CMIP: variants seen among roughly 807,000 people sequenced by gnomAD.
CMIP encodes C-Maf-inducing protein.
In CMIP, 13 loss-of-function variants were observed where a neutral mutation model predicts 97.3. That is an observed-to-expected ratio of 0.13 (90% CI 0.09 to 0.21). The LOEUF (loss-of-function observed/expected upper bound fraction) is 0.21, where lower values mean the gene tolerates loss of function less well. CMIP is among the 10% of genes least tolerant of loss of function. CMIP has a pLI of 1.00. For synonymous variants in CMIP, 538 were observed against 436.3 expected (o/e 1.23, Z -2.91); for missense variants, 847 against 1,024.9 (o/e 0.83, Z 2.37).
chr16:81,544,202 G>A (rs1247319056), intron 1 of CMIP, among the ~76,000 whole-genome samples: 9 of 152,228 alleles, frequency 5.9e-5, no homozygotes, highest in East Asian at 5.8e-4. Flanking sequence ...GTGAACTCAC[G>A]GAGACAGACT....
intron 1 of CMIP, among the ~76,000 whole-genome samples, chr16:81,492,155 C>T (rs2089416489): frequency 6.6e-6 from 1 of 152,168 alleles, no homozygotes; most frequent in South Asian, 2.1e-4. Flanking sequence ...GGGGTATGAA[C>T]ATTTTGATGG....
intron 1 of CMIP, among the ~76,000 whole-genome samples, chr16:81,586,019 A>G (rs1487775423): frequency 6.7e-6 from 1 of 150,080 alleles, no homozygotes; most frequent in Non-Finnish European, 1.5e-5. Context: ...GAACAAACGC[A>G]TGGCATTCTC....
intron 1 of CMIP, among the ~76,000 whole-genome samples, chr16:81,600,208 G>A (rs949602163): frequency 3.3e-5 from 5 of 150,016 alleles, no homozygotes; most frequent in African/African-American, 4.9e-5. Context: ...GACGGGAGGC[G>A]GAGGTTGCAG....
intron 3 of CMIP, among the ~76,000 whole-genome samples, chr16:81,649,259 C>T (rs1032437742): frequency 6.6e-6 from 1 of 152,262 alleles, no homozygotes; most frequent in African/African-American, 2.4e-5. Context: ...CCATGGATGC[C>T]TGTGAGGCAA....
intron 1 of CMIP, among the ~76,000 whole-genome samples, chr16:81,549,453 C>T (rs1342578732): frequency 6.6e-6 from 1 of 152,122 alleles, no homozygotes; most frequent in Non-Finnish European, 1.5e-5. Context: ...AGATAGCTGC[C>T]ACTTTTCCTT....
intron 3 of CMIP, among the ~76,000 whole-genome samples, chr16:81,647,425 G>A (rs1331660357): frequency 3.9e-5 from 6 of 152,106 alleles, no homozygotes; most frequent in African/African-American, 1.4e-4. Flanking sequence ...AACAGGCAGG[G>A]GGCTGGGTTT....
At chr16:81,609,905 C>T (rs1207356014) in intron 2 of CMIP, among the ~76,000 whole-genome samples, 1 of 152,202 alleles carries the variant, frequency 6.6e-6, no homozygotes. Context: ...AAGCCTCAGA[C>T]CCTCTTCCAA....
At chr16:81,592,588 T>G (rs2091482498) in intron 1 of CMIP, among the ~76,000 whole-genome samples, 1 of 152,204 alleles carries the variant, frequency 6.6e-6, no homozygotes, top group Admixed American at 6.5e-5. Flanking sequence ...CCGCTCACCC[T>G]GCTCATCCTG....
intron 5 of CMIP, among the ~76,000 whole-genome samples, chr16:81,658,485 C>A (rs1361826866): frequency 6.6e-6 from 1 of 152,152 alleles, no homozygotes; most frequent in African/African-American, 2.4e-5. Flanking sequence ...ACATTGAGTG[C>A]AGAGAGTAAG....
At chr16:81,505,476 A>G (rs374033019) in intron 1 of CMIP, among the ~76,000 whole-genome samples, 180 of 152,354 alleles carry the variant, frequency 1.2e-3, no homozygotes, top group African/African-American at 4.1e-3. Flanking sequence ...TGTGAGCCCC[A>G]GAGCCTCAGC....
At chr16:81,637,929 G>A (rs1263187426) in intron 3 of CMIP, among the ~76,000 whole-genome samples, 2 of 152,110 alleles carry the variant, frequency 1.3e-5, no homozygotes, top group Non-Finnish European at 2.9e-5. Context: ...GAAGGGGTGA[G>A]GGAGCTCCCC....
intron 4 of CMIP, among the ~76,000 whole-genome samples, chr16:81,653,363 C>A (rs2092449958): frequency 6.6e-6 from 1 of 152,192 alleles, no homozygotes; most frequent in South Asian, 2.1e-4. Flanking sequence ...TGGCACCGGC[C>A]CTCCGTGTCT....
At chr16:81,484,203 C>T (rs1052876781) in intron 1 of CMIP, among the ~76,000 whole-genome samples, 2 of 152,126 alleles carry the variant, frequency 1.3e-5, no homozygotes, top group African/African-American at 4.8e-5. Flanking sequence ...CCTTCCCTGG[C>T]GGACCTCGCC....
At chr16:81,477,975 C>T (rs928002376) in intron 1 of CMIP, among the ~76,000 whole-genome samples, 2 of 152,206 alleles carry the variant, frequency 1.3e-5, no homozygotes, top group Admixed American at 6.5e-5. Context: ...GTGGCATCCC[C>T]GGCTGCAAGA....
chr16:81,681,775 C>A (rs982926950), intron 10 of CMIP, among the ~76,000 whole-genome samples: 8 of 152,212 alleles, frequency 5.3e-5, no homozygotes, highest in African/African-American at 1.9e-4. Context: ...TGCTGTGGAA[C>A]TGTGGCCAGT....
intron 2 of CMIP, chr16:81,618,582 G>A (rs2091952138): frequency 6.6e-6 from 1 of 152,294 alleles, no homozygotes; most frequent in South Asian, 2.1e-4. Context: ...ATGCCCTGGA[G>A]CCAGCTCATC....
intron 1 of CMIP, among the ~76,000 whole-genome samples, chr16:81,514,007 T>G (rs2089862710): frequency 6.6e-6 from 1 of 150,484 alleles, no homozygotes; most frequent in Non-Finnish European, 1.5e-5. Flanking sequence ...CCGTTGTGGT[T>G]GCTGCTGCTA....
chr16:81,468,996 G>C (rs1346681295), intron 1 of CMIP, among the ~76,000 whole-genome samples: 1 of 152,230 alleles, frequency 6.6e-6, no homozygotes, highest in African/African-American at 2.4e-5. Context: ...CCCCATGAAC[G>C]TCTTGTTCTT....
intron 1 of CMIP, among the ~76,000 whole-genome samples, chr16:81,580,920 G>T (rs2091285965): frequency 6.6e-6 from 1 of 152,028 alleles, no homozygotes; most frequent in African/African-American, 2.4e-5. Context: ...GTGCCCATTA[G>T]CAGTCATTCC....
Sources: gnomAD v4.1 joint callset for allele counts (sites outside exome capture counted in the v4.1 genomes callset) on GRCh38, gnomAD v4.1.1 for gene constraint, MANE v1.5 for transcripts, NCBI Gene and HGNC (gene_info 2026-07-23, HGNC 2026-07-21) for gene names.